NELL2: variants seen among roughly 807,000 people sequenced by gnomAD.
The protein encoded by NELL2 is protein kinase C-binding protein NELL2.
Under a neutral mutation model 109.6 loss-of-function variants are expected in NELL2, and 41 were observed. The observed-to-expected ratio is 0.37, with a 90% CI of 0.29 to 0.49. The LOEUF (loss-of-function observed/expected upper bound fraction) is 0.49. Ranked by LOEUF, NELL2 falls within the 20% of genes least tolerant of loss-of-function variation. NELL2 has a pLI of 0.98. For missense variants in NELL2, 900 were observed against 1,008.3 expected, an observed-to-expected ratio of 0.89 and a Z score of 1.45; for synonymous variants, 355 against 344.7, an observed-to-expected ratio of 1.03 and a Z score of -0.33.
chr12:44,693,912 T>C (rs1948977627), intron 12 of NELL2, among the ~76,000 whole-genome samples: 1 of 152,214 alleles, frequency 6.6e-6, no homozygotes, highest in Non-Finnish European at 1.5e-5. Context: ...TGTTTCCATA[T>C]ATCATATTAA....
In NELL2 at chr12:44,508,686, G is replaced by A. The variant is rs1311670298; in HGVS notation, c.*248C>T. 4 of 493,790 alleles carry A rather than the reference G, an allele frequency of 8.1e-6. No homozygotes were observed. Among genetic ancestry groups the A allele is most frequent in the Non-Finnish European group, 1.5e-5 (4 of 271,098 alleles). 30.6% of individuals were successfully genotyped at this position (493,790 alleles called of 1,614,324 possible). ...GGTTCAGGATGTCACGGTATATACT[G>A]TACGCCCATTCTTCTACATGGTGAT... On this transcript the variant is annotated 3_prime_UTR_variant, in exon 20 of 20. Transcript: ENST00000429094.
chr12:44,723,125 C>T (rs1938875577), intron 9 of NELL2, among the ~76,000 whole-genome samples: 1 of 151,462 alleles, frequency 6.6e-6, no homozygotes, highest in Non-Finnish European at 1.5e-5. Context: ...GGAGGCGGAG[C>T]TTGCAGTGAG....
At chr12:44,729,573 A>AC (rs748027262) in intron 9 of NELL2, among the ~76,000 whole-genome samples, 13 of 94,448 alleles carry the variant, frequency 1.4e-4, no homozygotes, top group South Asian at 3.4e-4. Flanking sequence ...TTAAAAAAAA[A>AC]AAAAACCAAG....
In NELL2 at chr12:44,898,009, A is replaced by G. The variant is rs572887228; in HGVS notation, c.38+15790T>C. Among the ~76,000 whole-genome samples, 7 of 152,260 alleles carry G rather than the reference A, an allele frequency of 4.6e-5. No individual in the cohort carries two copies. The South Asian group carries it at 1.5e-3, about 32-fold the overall frequency. On this transcript the variant is annotated intron_variant, in intron 1 of 20. Coordinates refer to the NELL2 transcript ENST00000333837. Reference sequence around the variant, plus strand: ...ATAAACAAGCTGTTGGGAACTTCAGACTGGGTAAAGCCCACCAAAGTGCTG... The same window carrying G: ...ATAAACAAGCTGTTGGGAACTTCAGGCTGGGTAAAGCCCACCAAAGTGCTG...
At chr12:44,597,548 C>T (rs1009273222) in intron 15 of NELL2, among the ~76,000 whole-genome samples, 2 of 152,166 alleles carry the variant, frequency 1.3e-5, no homozygotes, top group African/African-American at 4.8e-5. Flanking sequence ...TACTTAACTT[C>T]GAATCAGTAG....
At chr12:44,768,022 A>G (rs1020259558) in intron 9 of NELL2, among the ~76,000 whole-genome samples, 59 of 152,236 alleles carry the variant, frequency 3.9e-4, no homozygotes, top group Non-Finnish European at 2.4e-4. Flanking sequence ...CAGGACTAGC[A>G]TACAGGACAC....
intron 12 of NELL2, among the ~76,000 whole-genome samples, chr12:44,687,512 C>T (rs980538873): frequency 5.6e-4 from 85 of 152,188 alleles, no homozygotes; most frequent in South Asian, 2.1e-4. Context: ...TTCCTATCTC[C>T]AAGCCTTTTT....
At chr12:44,611,506 T>C (rs1945621408) in intron 13 of NELL2, among the ~76,000 whole-genome samples, 1 of 152,062 alleles carries the variant, frequency 6.6e-6, no homozygotes, top group Non-Finnish European at 1.5e-5. Flanking sequence ...TTTAGTAAGT[T>C]CCCTCACTCT....
At chr12:44,781,408 G>T (rs955911922) in intron 3 of NELL2, among the ~76,000 whole-genome samples, 1 of 151,904 alleles carries the variant, frequency 6.6e-6, no homozygotes, top group African/African-American at 2.4e-5. Flanking sequence ...TATAACAAAA[G>T]ATCTAACATT....
intron 15 of NELL2, among the ~76,000 whole-genome samples, chr12:44,575,925 G>A (rs1335544186): frequency 6.6e-6 from 1 of 152,132 alleles, no homozygotes; most frequent in Non-Finnish European, 1.5e-5. Context: ...AGACCAAAAT[G>A]TTAATGACCT....
At chr12:44,724,044 A>G (rs1938936438) in intron 9 of NELL2, among the ~76,000 whole-genome samples, 1 of 152,056 alleles carries the variant, frequency 6.6e-6, no homozygotes, top group African/African-American at 2.4e-5. Flanking sequence ...TATATACACC[A>G]TGGAATACTA....
intron 9 of NELL2, among the ~76,000 whole-genome samples, chr12:44,767,587 T>C (rs1462017043): frequency 1.3e-5 from 2 of 152,208 alleles, no homozygotes; most frequent in Non-Finnish European, 2.9e-5. Flanking sequence ...CTTCCTGCAA[T>C]ATTATTTCTC....
chr12:44,809,942 T>C (rs973252855), intron 3 of NELL2, among the ~76,000 whole-genome samples: 1 of 152,110 alleles, frequency 6.6e-6, no homozygotes, highest in Non-Finnish European at 1.5e-5. Context: ...CTTATTACAG[T>C]TGTCATTATT....
chr12:44,697,268 G>T lies in NELL2; in HGVS notation c.1318+6458C>A, dbSNP rs1259756833. Among the ~76,000 whole-genome samples, 4 of 152,278 alleles carry T rather than the reference G, an allele frequency of 2.6e-5. No homozygotes were observed. In the East Asian group the frequency reaches 7.7e-4, roughly 29 times the overall value. ...TTATTTCAGTTCAGGGTTGGTGATG[G>T]CTGGAGCCTGACCGGGCAGCCCAGG... is the stretch of plus-strand genomic sequence containing the variant. On this transcript the variant is annotated intron_variant, in intron 12 of 19. Transcript: ENST00000429094.
At chr12:44,541,343 A>G (rs1048908074) in intron 15 of NELL2, among the ~76,000 whole-genome samples, 4 of 151,884 alleles carry the variant, frequency 2.6e-5, no homozygotes, top group African/African-American at 9.6e-5. Context: ...AATAGATTTG[A>G]GAGAATATTT....
intron 2 of NELL2, among the ~76,000 whole-genome samples, chr12:44,848,200 A>C (rs2658953): frequency 0.99 from 150,258 of 152,102 alleles, 74,261 homozygotes; most frequent in East Asian, 1. Context: ...CTGAAATTTA[A>C]CTGTCCCAAT....
At chr12:44,555,534 C>T (rs1208084875) in intron 15 of NELL2, among the ~76,000 whole-genome samples, 1 of 152,120 alleles carries the variant, frequency 6.6e-6, no homozygotes, top group Non-Finnish European at 1.5e-5. Flanking sequence ...TTCAAAGACC[C>T]ACTGCTAGCA....
chr12:44,795,988 AG>A (rs1485583282), intron 3 of NELL2, among the ~76,000 whole-genome samples: 4 of 152,232 alleles, frequency 2.6e-5, no homozygotes, highest in Non-Finnish European at 4.4e-5. Context: ...GCAATTTAAG[AG>A]GACTCAGAGT....
chr12:44,603,482 A>T (rs1228028967), intron 15 of NELL2, among the ~76,000 whole-genome samples: 1 of 152,188 alleles, frequency 6.6e-6, no homozygotes, highest in Admixed American at 6.6e-5. Flanking sequence ...TGTAATAAAT[A>T]CAATATGGCA....
Sources: allele counts gnomAD v4.1 joint callset (sites outside exome capture counted in the v4.1 genomes callset), GRCh38; gene constraint gnomAD v4.1.1; transcripts MANE v1.5; gene names NCBI Gene and HGNC (gene_info 2026-07-23, HGNC 2026-07-21).